The following NOSIP variants were observed in gnomAD, a reference collection of about 807,000 sequenced individuals.
NOSIP encodes nitric oxide synthase interacting protein.
In NOSIP, 25 loss-of-function variants were observed where a neutral mutation model predicts 36.4. That is an observed-to-expected ratio of 0.69 (90% CI 0.50 to 0.96). The LOEUF is 0.96. Ranked by LOEUF, NOSIP falls within the 40% of genes least tolerant of loss-of-function variation. NOSIP has a pLI of 0.00. For missense variants in NOSIP, 370 were observed against 429.0 expected (o/e 0.86, Z 1.21); for synonymous variants, 187 against 179.2 (o/e 1.04, Z -0.35).
chr19:49,577,547 G>GA (rs963323693), intron 1 of NOSIP, among the ~76,000 whole-genome samples: 4 of 144,836 alleles, frequency 2.8e-5, no homozygotes, highest in East Asian at 2.0e-4. Context: ...CTCAAAAAAA[G>GA]AAAAAAAAAG....
At chr19:49,575,694 T>C (rs770210878) in intron 1 of NOSIP, among the ~76,000 whole-genome samples, 37 of 152,176 alleles carry the variant, frequency 2.4e-4, no homozygotes, top group Non-Finnish European at 1.3e-4. Context: ...ACTCAGCCCC[T>C]GTAGCATAAA....
intron 4 of NOSIP, chr19:49,558,066 C>G (rs1173295433): frequency 2.2e-5 from 7 of 325,284 alleles, no homozygotes; most frequent in Non-Finnish European, 2.6e-5. Flanking sequence ...TCCTACCCAT[C>G]AAATGGCTTT....
At chr19:49,557,725 A>G (rs935901907) in intron 4 of NOSIP, 1 of 993,636 alleles carries the variant, frequency 1.0e-6, no homozygotes, top group African/African-American at 1.7e-5. Flanking sequence ...TGAGGAGCCC[A>G]TGTCTATGGA....
At chr19:49,576,857 C>T (rs2080559868) in intron 1 of NOSIP, among the ~76,000 whole-genome samples, 1 of 134,216 alleles carries the variant, frequency 7.5e-6, no homozygotes, top group South Asian at 2.4e-4. Flanking sequence ...GCACTCCAGC[C>T]TAGGCAACAA....
At position 49,555,502 on chromosome 19, in the gene NOSIP, G is replaced by A. The variant is rs1470194267; in HGVS notation, c.*249C>T. 6.6e-6 allele frequency among the ~76,000 whole-genome samples: 1 copy of A among 152,042 alleles called. No homozygotes were observed. Among genetic ancestry groups the A allele is most frequent in the Non-Finnish European group, 1.5e-5 (1 of 67,996 alleles). On this transcript the variant is annotated 3_prime_UTR_variant, in exon 9 of 9. Coordinates refer to ENST00000596358, the MANE Select transcript of NOSIP (RefSeq NM_001270960.2). Reference sequence around the variant, plus strand: ...TCGAACTCCTGACCTCAAGTGATACGCTAGCCTCGGCCTCCGAAAGTGCTG... The same window carrying A: ...TCGAACTCCTGACCTCAAGTGATACACTAGCCTCGGCCTCCGAAAGTGCTG...
In NOSIP at chr19:49,564,477, C is replaced by T. The variant is rs796562156; in HGVS notation, c.-1-3785G>A. 1.7e-4 allele frequency among the ~76,000 whole-genome samples: 19 copies of T among 113,056 alleles called. No individual in the cohort carries two copies. The South Asian group carries it at 5.3e-3, about 32-fold the overall frequency. 74.2% of individuals were successfully genotyped at this position (113,056 alleles called of 152,430 possible). On this transcript the variant is annotated intron_variant, in intron 1 of 8. Transcript: ENST00000596358. ...TCAAAAAAAAAAAAAAAAAAAAAAA[C>T]AAAATAAAACTTCATTGAGATACCT... is the stretch of plus-strand genomic sequence containing the variant.
intron 1 of NOSIP, among the ~76,000 whole-genome samples, chr19:49,579,607 A>C (rs2080598798): frequency 6.6e-6 from 1 of 152,194 alleles, no homozygotes; most frequent in African/African-American, 2.4e-5. Flanking sequence ...CTCTGAAAAC[A>C]ACCTCTGCTC....
rs1244575635 is a variant in NOSIP at position 49,577,069 on chromosome 19, T to C, written c.-2+3446A>G. Among the ~76,000 whole-genome samples, 24 of 151,998 alleles carry C rather than the reference T, an allele frequency of 1.6e-4. 1 individual carries two copies. Among genetic ancestry groups the C allele is most frequent in the Admixed American group, 1.5e-3 (23 of 15,242 alleles). On this transcript the variant is annotated intron_variant, in intron 1 of 8. Transcript: ENST00000596358. Reference sequence around the variant, plus strand: ...CAATAAGCATGTTAAAAGACACCAGTTCACACCCCCTAGAATGACTATAAT... The same window carrying C: ...CAATAAGCATGTTAAAAGACACCAGCTCACACCCCCTAGAATGACTATAAT...
intron 1 of NOSIP, among the ~76,000 whole-genome samples, chr19:49,572,277 T>C (rs1033055226): frequency 6.6e-6 from 1 of 151,284 alleles, no homozygotes; most frequent in Non-Finnish European, 1.5e-5. Flanking sequence ...GGCTAATTTT[T>C]TGTATTTTTA....
chr19:49,555,986 A>ACAGGGCG (rs1172492999), intron 8 of NOSIP, among the ~76,000 whole-genome samples, 164 bp from the exon 9 acceptor site: 2 of 147,800 alleles, frequency 1.4e-5, no homozygotes, highest in East Asian at 4.0e-4. Flanking sequence ...GTACGGATGG[A>ACAGGGCG]CAGGGCGCAG....
chr19:49,575,807 ATTCTTTTGGTTT>A (rs2080544281), intron 1 of NOSIP, among the ~76,000 whole-genome samples: 1 of 152,162 alleles, frequency 6.6e-6, no homozygotes, highest in East Asian at 1.9e-4. Flanking sequence ...CACCAAATTC[ATTCTTTTGGTTT>A]TTTCCAGTTA....
At chr19:49,556,224 TG>T (rs1217398377) in intron 8 of NOSIP, 92 bp downstream of exon 8, 100 of 446,240 alleles carry the variant, frequency 2.2e-4, no homozygotes, top group African/African-American at 2.1e-3. Context: ...CTTGGAGAGT[TG>T]GGGGAAGGGG....
intron 3 of NOSIP, 154 bp from the exon 4 acceptor site, chr19:49,559,132 G>T (rs2080296915): frequency 4.4e-6 from 3 of 675,544 alleles, no homozygotes; most frequent in Admixed American, 4.7e-5. Context: ...TTATACTCAT[G>T]GTGATAGTTT....
chr19:49,577,691 G>A (rs1403710227), intron 1 of NOSIP, among the ~76,000 whole-genome samples: 1 of 150,916 alleles, frequency 6.6e-6, no homozygotes, highest in African/African-American at 2.4e-5. Flanking sequence ...CTTGAACCCA[G>A]GAGGTTGAGG....
chr19:49,567,215 C>T (rs540006660), intron 1 of NOSIP, among the ~76,000 whole-genome samples: 13 of 149,400 alleles, frequency 8.7e-5, no homozygotes, highest in Middle Eastern at 3.6e-3. Context: ...CTCCACCTCC[C>T]GGGTTCACGC....
In NOSIP at chr19:49,555,740, C is replaced by G; in HGVS notation, c.*11G>C. 3.7e-6 allele frequency: 6 copies of G among 1,612,346 alleles called. No individual in the cohort carries two copies. The highest frequency in any genetic ancestry group is 5.1e-6 in the Non-Finnish European group (6 of 1,178,794). The stretch of plus-strand genomic sequence containing the variant: ...GCACCCAAGCCGGTTTATTTGGTCT[C>G]CCGCACACACTCAGGCCTGCATCAC... On this transcript the variant is annotated 3_prime_UTR_variant, in exon 9 of 9. Transcript: ENST00000596358.
chr19:49,564,472 A>AC (rs976236616), intron 1 of NOSIP, among the ~76,000 whole-genome samples: 6 of 151,498 alleles, frequency 4.0e-5, no homozygotes, highest in African/African-American at 7.3e-5. Flanking sequence ...AAAAAAAAAA[A>AC]AAAACAAAAT....
intron 1 of NOSIP, among the ~76,000 whole-genome samples, chr19:49,564,468 A>C (rs550765873): frequency 1.5e-3 from 229 of 151,250 alleles, no homozygotes; most frequent in Non-Finnish European, 2.3e-3. Flanking sequence ...AAAAAAAAAA[A>C]AAAAAAAACA....
At chr19:49,557,584 G>A (rs2080271940) in intron 4 of NOSIP, 1 of 1,189,478 alleles carries the variant, frequency 8.4e-7, no homozygotes, top group East Asian at 3.8e-5. Flanking sequence ...TTTACAGCAT[G>A]GAGAGCCTCA....
Sources: gnomAD v4.1 joint callset for allele counts (sites outside exome capture counted in the v4.1 genomes callset) on GRCh38, gnomAD v4.1.1 for gene constraint, MANE v1.5 for transcripts, NCBI Gene and HGNC (gene_info 2026-07-23, HGNC 2026-07-21) for gene names.